Variants in CCDC73 observed in about 807,000 individuals in gnomAD.
CCDC73 encodes coiled-coil domain containing 73.
In CCDC73, 95 loss-of-function variants were observed where a neutral mutation model predicts 116.5. The ratio of observed to expected loss-of-function variants is 0.82; its 90% CI spans 0.69 to 0.97. The LOEUF (loss-of-function observed/expected upper bound fraction) is 0.97, where lower values mean the gene tolerates loss of function less well. CCDC73 is among the 50% of genes least tolerant of loss of function. The pLI, the probability that CCDC73 is intolerant of heterozygous loss-of-function variation, is 0.00. For missense variants in CCDC73, 1,066 were observed against 1,206.8 expected, an observed-to-expected ratio of 0.88 and a Z score of 1.73; for synonymous variants, 398 against 401.3, an observed-to-expected ratio of 0.99 and a Z score of 0.10.
the CCDC73 span, among the ~76,000 whole-genome samples, chr11:32,823,859 C>T: frequency 6.6e-6 from 1 of 152,048 alleles, no homozygotes; most frequent in African/African-American, 2.4e-5. Context: ...CCCACCTCAG[C>T]CTCCCTGAAA....
chr11:32,805,668 G>T, the CCDC73 span, among the ~76,000 whole-genome samples: 2 of 152,130 alleles, frequency 1.3e-5, no homozygotes, highest in Non-Finnish European at 1.5e-5. Context: ...GCCAAATGCG[G>T]CTTGAAACAT....
intron 13 of CCDC73, among the ~76,000 whole-genome samples, chr11:32,639,449 T>C (rs555100066): frequency 9.2e-5 from 14 of 151,916 alleles, no homozygotes; most frequent in Admixed American, 7.9e-4. Flanking sequence ...ATTGAATTCT[T>C]TTTTTTCCTT....
chr11:32,673,397 A>C (rs1856056879), intron 9 of CCDC73, among the ~76,000 whole-genome samples: 1 of 152,046 alleles, frequency 6.6e-6, no homozygotes, highest in Non-Finnish European at 1.5e-5. Flanking sequence ...TATTAATTAA[A>C]ATATATTAAA....
intron 9 of CCDC73, among the ~76,000 whole-genome samples, chr11:32,661,007 G>A (rs1430029941): frequency 1.3e-5 from 2 of 152,170 alleles, no homozygotes; most frequent in African/African-American, 4.8e-5. Flanking sequence ...TTCCACATAA[G>A]CGGGAACAGT....
intron 9 of CCDC73, among the ~76,000 whole-genome samples, chr11:32,656,401 C>T (rs1855873238): frequency 6.6e-6 from 1 of 152,068 alleles, no homozygotes; most frequent in South Asian, 2.1e-4. Context: ...TTATAAGAGC[C>T]GGCTGCCTAC....
chr11:32,774,625 T>G (rs1850518113), intron 1 of CCDC73, among the ~76,000 whole-genome samples: 1 of 151,912 alleles, frequency 6.6e-6, no homozygotes, highest in Admixed American at 6.6e-5. Context: ...AAAAGGAATT[T>G]GGAGAAAAGA....
the CCDC73 span, among the ~76,000 whole-genome samples, chr11:32,809,593 G>A: frequency 1.3e-5 from 2 of 152,128 alleles, no homozygotes; most frequent in Non-Finnish European, 2.9e-5. Context: ...AAACATCCCC[G>A]CTCTTTGGTT....
intron 9 of CCDC73, among the ~76,000 whole-genome samples, chr11:32,669,796 ATTC>A (rs1434813269): frequency 6.6e-6 from 1 of 152,174 alleles, no homozygotes; most frequent in Non-Finnish European, 1.5e-5. Context: ...ACAGTATCTT[ATTC>A]TTCTTCGTGG....
At chr11:32,666,706 C>T (rs1216397135) in intron 9 of CCDC73, among the ~76,000 whole-genome samples, 3 of 152,234 alleles carry the variant, frequency 2.0e-5, no homozygotes, top group African/African-American at 7.2e-5. Context: ...TGGCGAGGAG[C>T]TGCGTTCCTT....
intron 2 of CCDC73, among the ~76,000 whole-genome samples, chr11:32,747,300 A>G (rs1383389931): frequency 6.6e-6 from 1 of 152,092 alleles, no homozygotes; most frequent in African/African-American, 2.4e-5. Context: ...TTCCTCTGGA[A>G]GCTTCGTCCC....
chr11:32,797,797 T>C (rs529529817), upstream of CCDC73, among the ~76,000 whole-genome samples: 1 of 152,302 alleles, frequency 6.6e-6, no homozygotes, highest in East Asian at 1.9e-4. Flanking sequence ...GCTCAGGACA[T>C]TGGGCAAGGC....
chr11:32,760,065 T>G, intron 2 of CCDC73, 44 bp downstream of exon 2: 2 of 1,367,992 alleles, frequency 1.5e-6, no homozygotes, highest in Non-Finnish European at 2.0e-6. Flanking sequence ...CTGAACAAAA[T>G]CAAGTTTTCT....
chr11:32,642,717 C>A (rs951478832), intron 12 of CCDC73, among the ~76,000 whole-genome samples: 1 of 151,722 alleles, frequency 6.6e-6, no homozygotes, highest in Non-Finnish European at 1.5e-5. Context: ...TTAGGTTTTT[C>A]CAATGTCTGC....
chr11:32,741,856 T>G (rs1249009573), intron 2 of CCDC73, among the ~76,000 whole-genome samples: 1 of 152,056 alleles, frequency 6.6e-6, no homozygotes, highest in African/African-American at 2.4e-5. Flanking sequence ...CCTCTCCCTG[T>G]GTCCATGTGT....
chr11:32,726,481 G>GA (rs533535047), intron 2 of CCDC73, among the ~76,000 whole-genome samples: 1 of 151,824 alleles, frequency 6.6e-6, no homozygotes, highest in Admixed American at 6.6e-5. Flanking sequence ...TGAAAGGACA[G>GA]AAAAAAATAG....
At chr11:32,626,591 A>G (rs1162659046) in intron 14 of CCDC73, among the ~76,000 whole-genome samples, 1 of 152,260 alleles carries the variant, frequency 6.6e-6, no homozygotes, top group African/African-American at 2.4e-5. Flanking sequence ...ACATGGCTAC[A>G]GTAACCAAAA....
At chr11:32,745,754 T>C (rs1850231882) in intron 2 of CCDC73, among the ~76,000 whole-genome samples, 1 of 150,014 alleles carries the variant, frequency 6.7e-6, no homozygotes, top group East Asian at 1.9e-4. Flanking sequence ...GGTTTTTTTT[T>C]TTTTTTTGCT....
chr11:32,638,471 ATTTCT>A (rs1380638856), intron 13 of CCDC73, among the ~76,000 whole-genome samples: 1 of 151,910 alleles, frequency 6.6e-6, no homozygotes, highest in Admixed American at 6.6e-5. Flanking sequence ...TGATTGTTCT[ATTTCT>A]TTTATTTTTT....
chr11:32,617,214 T>G (rs548997643), intron 14 of CCDC73, among the ~76,000 whole-genome samples: 1 of 152,182 alleles, frequency 6.6e-6, no homozygotes, highest in African/African-American at 2.4e-5. Flanking sequence ...AGGAAGACAC[T>G]GAGAAGTCAC....
Sources: allele counts gnomAD v4.1 joint callset (sites outside exome capture counted in the v4.1 genomes callset), GRCh38; gene constraint gnomAD v4.1.1; transcripts MANE v1.5; gene names NCBI Gene and HGNC (gene_info 2026-07-23, HGNC 2026-07-21).